Variants in TANK observed in about 807,000 individuals in gnomAD.
The protein encoded by TANK is TRAF family member associated NFKB activator, also known as TRAF family member-associated NF-kappa-B activator.
TANK carries 15 observed loss-of-function variants against 43.6 expected under a neutral mutation model. That is an observed-to-expected ratio of 0.34 (90% CI 0.23 to 0.53). The LOEUF (loss-of-function observed/expected upper bound fraction) is 0.53, where lower values mean the gene tolerates loss of function less well. Among genes scored for constraint, TANK ranks in the 20% least tolerant of loss-of-function variants. The probability of loss-of-function intolerance (pLI) is 0.94; values close to 1 mark genes in which losing one functional copy is unlikely to be tolerated. For synonymous variants in TANK, 162 were observed against 178.2 expected, an observed-to-expected ratio of 0.91 and a Z score of 0.73; for missense variants, 417 against 498.6, an observed-to-expected ratio of 0.84 and a Z score of 1.56.
chr2:161,211,815 G>A, intron 4 of TANK: 1 of 985,416 alleles, frequency 1.0e-6, no homozygotes, highest in Non-Finnish European at 1.2e-6. Flanking sequence ...AAACGTGTTT[G>A]TGTGTAGTAC....
intron 1 of TANK, among the ~76,000 whole-genome samples, chr2:161,142,922 C>T (rs1683794408): frequency 6.6e-6 from 1 of 152,030 alleles, no homozygotes; most frequent in South Asian, 2.1e-4. Flanking sequence ...GGCGGTATGG[C>T]CATTTTCATG....
At chr2:161,153,560 C>T (rs543773407) in intron 1 of TANK, among the ~76,000 whole-genome samples, 14 of 151,680 alleles carry the variant, frequency 9.2e-5, no homozygotes, top group African/African-American at 2.9e-4. Flanking sequence ...TGATGGTGCA[C>T]GTCTGTAGTC....
rs1688158857 is a variant in TANK, at chr2:161,236,102, A to G, written c.*584A>G. The G allele has an allele frequency of 6.6e-6, 1 of 152,108 alleles. No individual in the cohort carries two copies. The highest frequency in any genetic ancestry group is 1.5e-5 in the Non-Finnish European group (1 of 68,006). The allele number at this position is 152,108 out of a possible 1,614,324, so 9.4% of individuals were successfully genotyped here. Reference sequence around the variant, plus strand: ...TTATTTAAACACTTTAGATTTTTAAATAATATACATGGCTTTAATTTTTAC... The same window carrying G: ...TTATTTAAACACTTTAGATTTTTAAGTAATATACATGGCTTTAATTTTTAC... On this transcript the variant is annotated 3_prime_UTR_variant, in exon 8 of 8. Transcript: ENST00000392749.
At chr2:161,144,823 C>T (rs990304615) in intron 1 of TANK, among the ~76,000 whole-genome samples, 18 of 152,042 alleles carry the variant, frequency 1.2e-4, no homozygotes, top group African/African-American at 4.3e-4. Flanking sequence ...CCACTTGATC[C>T]AGAGCTGAGT....
rs917875772 is a variant in TANK at position 161,219,649 on chromosome 2, A to AT, written c.328-4256dup. On this transcript the variant is annotated intron_variant, in intron 4 of 7. Coordinates refer to ENST00000392749, the MANE Select transcript of TANK (RefSeq NM_001199135.3). ...TATTCTTATCAAATATCTTTTTGTA[A>AT]TTTTTTTTTTGGTCCTGTTTTATAC... is the stretch of plus-strand genomic sequence containing the variant. 5.7e-3 allele frequency: 1,966 copies of AT among 343,710 alleles called. 1 individual carries two copies. The highest frequency in any genetic ancestry group is 9.4e-3 in the South Asian group (390 of 41,462). The allele number at this position is 343,710 out of a possible 1,614,324, so 21.3% of individuals were successfully genotyped here.
chr2:161,172,259 G>A (rs1201917709), intron 1 of TANK, among the ~76,000 whole-genome samples: 2 of 151,690 alleles, frequency 1.3e-5, no homozygotes, highest in East Asian at 1.9e-4. Context: ...TTTATATTTG[G>A]TAGGAAAAAC....
At chr2:161,152,266 G>T (rs1238518888) in intron 1 of TANK, among the ~76,000 whole-genome samples, 1 of 151,908 alleles carries the variant, frequency 6.6e-6, no homozygotes, top group African/African-American at 2.4e-5. Flanking sequence ...TCTTTGTATG[G>T]CCTCAAATTA....
chr2:161,233,957 G>C (rs1050939366), intron 7 of TANK, among the ~76,000 whole-genome samples: 6 of 151,880 alleles, frequency 4.0e-5, no homozygotes, highest in Non-Finnish European at 8.8e-5. Flanking sequence ...TTTTTCCAGA[G>C]AGTTATTTTA....
chr2:161,203,991 G>A (rs1025898333), intron 3 of TANK, among the ~76,000 whole-genome samples: 7 of 152,050 alleles, frequency 4.6e-5, no homozygotes, highest in African/African-American at 1.7e-4. Context: ...ATCATGGAAA[G>A]CTAGAAACAA....
Sources: allele counts gnomAD v4.1 joint callset (sites outside exome capture counted in the v4.1 genomes callset), GRCh38; gene constraint gnomAD v4.1.1; transcripts MANE v1.5; gene names NCBI Gene and HGNC (gene_info 2026-07-23, HGNC 2026-07-21).